Variants in ATP2C2 observed in about 807,000 individuals in gnomAD.
The protein encoded by ATP2C2 is ATPase secretory pathway Ca2+ transporting 2.
ATP2C2 carries 171 observed loss-of-function variants against 110.8 expected under a neutral mutation model. The ratio of observed to expected loss-of-function variants is 1.54; its 90% CI spans 1.36 to 1.75. The LOEUF (loss-of-function observed/expected upper bound fraction) is 1.75, where lower values mean the gene tolerates loss of function less well. Among genes scored for constraint, ATP2C2 ranks in the 40% most tolerant of loss-of-function variants. The pLI, the probability that ATP2C2 is intolerant of heterozygous loss-of-function variation, is 0.00. For synonymous variants in ATP2C2, 804 were observed against 508.4 expected, an observed-to-expected ratio of 1.58 and a Z score of -7.82; for missense variants, 1,963 against 1,235.0, an observed-to-expected ratio of 1.59 and a Z score of -8.84.
intron 21 of ATP2C2, 86 bp downstream of exon 21, chr16:84,455,070 A>AGGC (rs1567743077): frequency 1.7e-6 from 2 of 1,198,578 alleles, no homozygotes; most frequent in East Asian, 3.1e-5. Context: ...GTGGAGATAG[A>AGGC]GGGGGGGGTC....
chr16:84,441,480 C>G (rs553100827), intron 14 of ATP2C2, among the ~76,000 whole-genome samples: 1 of 152,138 alleles, frequency 6.6e-6, no homozygotes, highest in Non-Finnish European at 1.5e-5. Context: ...CCGAGCTGTA[C>G]TCACCCTTTC....
intron 1 of ATP2C2, among the ~76,000 whole-genome samples, chr16:84,370,066 G>C (rs1177327914): frequency 6.6e-6 from 1 of 152,134 alleles, no homozygotes; most frequent in African/African-American, 2.4e-5. Flanking sequence ...TCTTGCATCA[G>C]GCCAGGTATT....
At chr16:84,441,367 C>T (rs1261278256) in intron 14 of ATP2C2, among the ~76,000 whole-genome samples, 3 of 152,178 alleles carry the variant, frequency 2.0e-5, no homozygotes, top group South Asian at 2.1e-4. Flanking sequence ...TGCCCAGAGA[C>T]GTGCCCGATG....
intron 14 of ATP2C2, 44 bp from the exon 15 acceptor site, chr16:84,442,466 T>C (rs1173483280): frequency 1.9e-6 from 3 of 1,589,418 alleles, no homozygotes; most frequent in East Asian, 2.3e-5. Context: ...AACTTTTTCA[T>C]GAGCCCAGTA....
rs1489725213 is a variant in ATP2C2, at chr16:84,368,731, C to G, written c.99+17C>G. 4.7e-6 allele frequency: 7 copies of G among 1,500,402 alleles called. No individual in the cohort carries two copies. Among genetic ancestry groups the G allele is most frequent in the Non-Finnish European group, 5.3e-6 (6 of 1,123,914 alleles). The allele number at this position is 1,500,402 out of a possible 1,614,324, so 92.9% of individuals were successfully genotyped here. On this transcript the variant is annotated intron_variant, in intron 1 of 26. Coordinates refer to ENST00000262429, the MANE Select transcript of ATP2C2 (RefSeq NM_014861.4). The stretch of plus-strand genomic sequence containing the variant: ...GAAGCCTTGGTGAGTCCCCGCGACT[C>G]CGCGCCGGGCGTGCGACCCGACCCC...
intron 6 of ATP2C2, among the ~76,000 whole-genome samples, chr16:84,414,603 C>T (rs962027223): frequency 1.3e-5 from 2 of 152,154 alleles, no homozygotes; most frequent in African/African-American, 2.4e-5. Context: ...GGGGTCTTAG[C>T]CAGGCATGAC....
At position 84,440,939 on chromosome 16, in the gene ATP2C2, C is replaced by A. The variant is rs760020623; in HGVS notation, c.1292C>A (p.Ser431Ter). The change falls in exon 14 of 27, where the codon TCA becomes TAA. Residue 431 changes from serine to a stop codon, truncating the protein, a stop_gained. Coordinates refer to ENST00000262429, the MANE Select transcript of ATP2C2 (RefSeq NM_014861.4). LOFTEE classifies it high-confidence loss of function. The stretch of plus-strand genomic sequence containing the variant: ...GTCATTAAGGAATTTTCCAATGTCT[C>A]AGTGGGAAAGTTAGTGGAGGTAGGT... Reference protein sequence around the residue: ...KEVIKEFSNVSVGKLVEAGCV... With the variant: ...KEVIKEFSNV 8.1e-6 allele frequency: 13 copies of A among 1,612,608 alleles called. No individual in the cohort carries two copies. The highest frequency in any genetic ancestry group is 1.3e-5 in the African/African-American group (1 of 74,984).
chr16:84,419,238 A>AAAAAAAAAAAT (rs1555559558), intron 7 of ATP2C2, among the ~76,000 whole-genome samples: 4 of 138,412 alleles, frequency 2.9e-5, no homozygotes, highest in African/African-American at 1.1e-4. Flanking sequence ...AAAAAAAAAA[A>AAAAAAAAAAAT]GTGCTACTGG....
chr16:84,421,105 C>T (rs116050426), intron 7 of ATP2C2, among the ~76,000 whole-genome samples: 1,622 of 152,308 alleles, frequency 0.011, 31 homozygotes, highest in African/African-American at 0.038. Flanking sequence ...CATGCCCGGC[C>T]GTCCTTGACA....
At position 84,454,842 on chromosome 16, in the gene ATP2C2, G is replaced by T; in HGVS notation, c.2005G>T (p.Val669Leu). ...IKALQESGAIVAMTGDGVNDA... is the reference protein window; with the variant it reads ...IKALQESGAILAMTGDGVNDA... ...GGCTCTGCAGGAGTCAGGGGCGATCGTGGCCATGACTGGGGATGGGGTGAA... is the reference window on the plus strand; with the variant it reads ...GGCTCTGCAGGAGTCAGGGGCGATCTTGGCCATGACTGGGGATGGGGTGAA... Residue 669 changes from valine (V) to leucine (L), a missense_variant, in exon 21 of 27, where the codon GTG becomes TTG. By Grantham distance (32) the Val-to-Leu change is conservative. Coordinates refer to ENST00000262429, the MANE Select transcript of ATP2C2 (RefSeq NM_014861.4). 1 of 1,611,456 alleles carries T rather than the reference G, an allele frequency of 6.2e-7. No homozygotes were observed. Among genetic ancestry groups the T allele is most frequent in the Non-Finnish European group, 8.5e-7 (1 of 1,178,854 alleles).
Position 84,459,445 on chromosome 16 carries a change from A to G in ATP2C2, c.2333+59A>G, listed in dbSNP as rs985850869. 25 of 1,604,614 alleles carry G rather than the reference A, an allele frequency of 1.6e-5. No individual in the cohort carries two copies. The African/African-American group carries it at 3.3e-4, about 21-fold the overall frequency. On this transcript the variant is annotated intron_variant, in intron 23 of 26. Transcript: ENST00000262429. ...TTTACCCACCTGCGGGGCTTCCTCC[A>G]GGGGCTGCTGGCTGTGCCCCAAGGC...
intron 11 of ATP2C2, among the ~76,000 whole-genome samples, chr16:84,438,036 A>G (rs429790): frequency 1.3e-5 from 2 of 152,072 alleles, no homozygotes; most frequent in African/African-American, 4.8e-5. Context: ...GCTCATCCAC[A>G]TGGTGGCATG....
chr16:84,403,566 C>G (rs1905487665), intron 2 of ATP2C2, among the ~76,000 whole-genome samples: 1 of 152,194 alleles, frequency 6.6e-6, no homozygotes, highest in Non-Finnish European at 1.5e-5. Context: ...CCTCAACCTC[C>G]TGAAGTTTTG....
At chr16:84,436,854 C>A (rs183024457) in intron 11 of ATP2C2, among the ~76,000 whole-genome samples, 1 of 151,804 alleles carries the variant, frequency 6.6e-6, no homozygotes, top group Non-Finnish European at 1.5e-5. Flanking sequence ...CCTCCACCTC[C>A]CAGGTTCAAG....
Position 84,436,982 on chromosome 16 carries a change from G to A in ATP2C2, c.987-2184G>A, listed in dbSNP as rs146230828. Among the ~76,000 whole-genome samples the A allele has an allele frequency of 4.7e-3, 716 of 151,914 alleles. 8 individuals are homozygous for A. The highest frequency in any genetic ancestry group is 0.016 in the African/African-American group (676 of 41,408). On this transcript the variant is annotated intron_variant, in intron 11 of 26. Coordinates refer to ENST00000262429, the MANE Select transcript of ATP2C2 (RefSeq NM_014861.4). ...TCTCCATGTTGGCCAGGCTGGTGTC[G>A]AACTCCCGACCTCAGGTGATCGAGG...
At chr16:84,372,389 T>G (rs1910004735) in intron 1 of ATP2C2, among the ~76,000 whole-genome samples, 1 of 152,168 alleles carries the variant, frequency 6.6e-6, no homozygotes, top group African/African-American at 2.4e-5. Flanking sequence ...TTTCTCAGAA[T>G]TCAGCAACAT....
At position 84,440,754 on chromosome 16, in the gene ATP2C2, G is replaced by A. The variant is rs114324883; in HGVS notation, c.1210-103G>A. ...TACTGAAAGCCCTGTCCACGTTTAG[G>A]ATTGTGTCCCTGGAATGGATCCCCA... is the stretch of plus-strand genomic sequence containing the variant. On this transcript the variant is annotated intron_variant, in intron 13 of 26. Coordinates refer to ENST00000262429, the MANE Select transcript of ATP2C2 (RefSeq NM_014861.4). 617 of 831,488 alleles carry A rather than the reference G, an allele frequency of 7.4e-4. 2 individuals are homozygous for A. The African/African-American group carries it at 9.5e-3, about 13-fold the overall frequency. The allele number at this position is 831,488 out of a possible 1,614,324, so 51.5% of individuals were successfully genotyped here.
At chr16:84,442,637 C>A (rs78637530) in intron 15 of ATP2C2, 38 bp downstream of exon 15, 4 of 1,587,166 alleles carry the variant, frequency 2.5e-6, no homozygotes, top group African/African-American at 1.3e-5. Context: ...GGAATTCTTT[C>A]GCTCGGGGCT....
intron 1 of ATP2C2, among the ~76,000 whole-genome samples, chr16:84,381,247 G>A (rs934080866): frequency 1.3e-4 from 20 of 152,170 alleles, no homozygotes; most frequent in Admixed American, 2.0e-4. Context: ...CAGTTAGAGT[G>A]CGGCAGAAAC....
Sources: allele counts gnomAD v4.1 joint callset (sites outside exome capture counted in the v4.1 genomes callset), GRCh38; gene constraint gnomAD v4.1.1; transcripts MANE v1.5; gene names NCBI Gene and HGNC (gene_info 2026-07-23, HGNC 2026-07-21).